The following NOS1AP variants were observed in gnomAD, a reference collection of about 807,000 sequenced individuals.
The protein encoded by NOS1AP is nitric oxide synthase 1 adaptor protein, also known as carboxyl-terminal PDZ ligand of neuronal nitric oxide synthase protein.
In NOS1AP, 21 loss-of-function variants were observed where a neutral mutation model predicts 56.2. That is an observed-to-expected ratio of 0.37 (90% CI 0.26 to 0.54). The LOEUF is 0.54. Ranked by LOEUF, NOS1AP falls within the 20% of genes least tolerant of loss-of-function variation. NOS1AP has a pLI of 0.84. For missense variants in NOS1AP, 522 were observed against 657.8 expected (o/e 0.79, Z 2.26); for synonymous variants, 270 against 274.6 (o/e 0.98, Z 0.17).
At chr1:162,364,096 T>A in intron 8 of NOS1AP, 1 of 985,422 alleles carries the variant, frequency 1.0e-6, no homozygotes. Flanking sequence ...AGCACTGCCC[T>A]TTACTCCCTA....
intron 2 of NOS1AP, among the ~76,000 whole-genome samples, chr1:162,244,841 G>A (rs1653608847): frequency 6.6e-6 from 1 of 152,138 alleles, no homozygotes; most frequent in Admixed American, 6.5e-5. Context: ...TTGAGCTAAC[G>A]ATTCAAAGTT....
At chr1:162,359,806 G>C (rs1363176270) in intron 8 of NOS1AP, among the ~76,000 whole-genome samples, 2 of 152,082 alleles carry the variant, frequency 1.3e-5, no homozygotes, top group African/African-American at 4.8e-5. Context: ...CAAGGCTTCT[G>C]TCTGTCTTTA....
intron 1 of NOS1AP, among the ~76,000 whole-genome samples, chr1:162,094,948 G>A (rs914925409): frequency 6.6e-6 from 1 of 152,198 alleles, no homozygotes. Context: ...GAGGGATGGG[G>A]TGTAACGGGT....
intron 1 of NOS1AP, among the ~76,000 whole-genome samples, chr1:162,133,882 C>T (rs10918724): frequency 0.24 from 35,761 of 152,032 alleles, 7,834 homozygotes; most frequent in African/African-American, 0.59. Context: ...TAGAAGTAAT[C>T]GGCATTCAAC....
intron 1 of NOS1AP, among the ~76,000 whole-genome samples, chr1:162,081,774 A>ATATATGTTTTTTTTTTTTTT: frequency 2.3e-5 from 1 of 44,060 alleles, no homozygotes; most frequent in Non-Finnish European, 4.6e-5. Flanking sequence ...ATATATATAT[A>ATATATGTTTTTTTTTTTTTT]TTTTTTTTTT....
At chr1:162,326,618 A>G (rs1464568596) in intron 4 of NOS1AP, among the ~76,000 whole-genome samples, 1 of 152,204 alleles carries the variant, frequency 6.6e-6, no homozygotes, top group Non-Finnish European at 1.5e-5. Flanking sequence ...ATGCTAATAT[A>G]TGGTTCCAGT....
In NOS1AP at chr1:162,285,525, C is replaced by T. The variant is rs115944339; in HGVS notation, c.178-1819C>T. Among the ~76,000 whole-genome samples the T allele has an allele frequency of 8.9e-3, 1,350 of 152,202 alleles. 19 individuals carry two copies. The highest frequency in any genetic ancestry group is 0.031 in the African/African-American group (1,275 of 41,530). On this transcript the variant is annotated intron_variant, in intron 2 of 9. Transcript: ENST00000361897. ...TGCCAATCAAACCAACTTTAACCTT[C>T]GCTGGTTTGTGGCTGCTGACCTAGA...
At chr1:162,096,420 C>T (rs1185741598) in intron 1 of NOS1AP, among the ~76,000 whole-genome samples, 2 of 152,090 alleles carry the variant, frequency 1.3e-5, no homozygotes, top group African/African-American at 2.4e-5. Flanking sequence ...ATTTTTAAAA[C>T]ATTACAAAAT....
chr1:162,279,356 A>T (rs1654843993), intron 2 of NOS1AP, among the ~76,000 whole-genome samples: 1 of 152,096 alleles, frequency 6.6e-6, no homozygotes, highest in African/African-American at 2.4e-5. Context: ...ACAGTCCGAG[A>T]TTGCTTGCAC....
At chr1:162,261,506 G>GGAGA (rs1553200070) in intron 2 of NOS1AP, among the ~76,000 whole-genome samples, 567 of 18,640 alleles carry the variant, frequency 0.03, 203 homozygotes, top group Non-Finnish European at 0.055. Flanking sequence ...GAGAGAGAGA[G>GGAGA]AGAGAGAGAG....
chr1:162,285,012 T>C (rs567664797), intron 2 of NOS1AP, among the ~76,000 whole-genome samples: 99 of 152,352 alleles, frequency 6.5e-4, no homozygotes, highest in Middle Eastern at 6.8e-3. Flanking sequence ...AGGTAGGTAC[T>C]TGATATTTCT....
At chr1:162,088,057 T>G (rs980801358) in intron 1 of NOS1AP, among the ~76,000 whole-genome samples, 2 of 152,096 alleles carry the variant, frequency 1.3e-5, no homozygotes, top group Non-Finnish European at 2.9e-5. Flanking sequence ...GCATCAGAAC[T>G]CTATAGGGTC....
At chr1:162,089,766 C>T (rs1692087304) in intron 1 of NOS1AP, among the ~76,000 whole-genome samples, 1 of 152,186 alleles carries the variant, frequency 6.6e-6, no homozygotes, top group Non-Finnish European at 1.5e-5. Flanking sequence ...GGAAGGCTGG[C>T]AGCCTCCAGC....
intron 4 of NOS1AP, among the ~76,000 whole-genome samples, chr1:162,300,934 G>A (rs1212931619): frequency 2.0e-5 from 3 of 152,116 alleles, no homozygotes; most frequent in African/African-American, 7.2e-5. Flanking sequence ...TCTGCTTGAT[G>A]TTTAATTTAA....
At chr1:162,105,234 G>A (rs1647449008) in intron 1 of NOS1AP, among the ~76,000 whole-genome samples, 1 of 152,234 alleles carries the variant, frequency 6.6e-6, no homozygotes, top group African/African-American at 2.4e-5. Flanking sequence ...GGTATCACCA[G>A]TGAAGGCTGT....
chr1:162,352,377 C>G (rs748387538), intron 6 of NOS1AP, among the ~76,000 whole-genome samples: 2 of 151,950 alleles, frequency 1.3e-5, no homozygotes, highest in Non-Finnish European at 2.9e-5. Context: ...CCTCTTCTAC[C>G]TACCCCTTAA....
chr1:162,079,490 A>T (rs1356490309), intron 1 of NOS1AP, among the ~76,000 whole-genome samples: 1 of 152,142 alleles, frequency 6.6e-6, no homozygotes, highest in Non-Finnish European at 1.5e-5. Context: ...GCATGAATTC[A>T]GGAGCCAAAC....
intron 1 of NOS1AP, among the ~76,000 whole-genome samples, chr1:162,071,210 G>A (rs537373080): frequency 1.3e-5 from 2 of 152,292 alleles, no homozygotes; most frequent in South Asian, 2.1e-4. Context: ...GGGACTTTCG[G>A]CACCTACAGT....
chr1:162,120,888 C>T (rs761760356), intron 1 of NOS1AP, among the ~76,000 whole-genome samples: 2 of 152,064 alleles, frequency 1.3e-5, no homozygotes, highest in Non-Finnish European at 2.9e-5. Flanking sequence ...GTGTAGATGC[C>T]TCTGCTCCCT....
Sources: allele counts gnomAD v4.1 joint callset (sites outside exome capture counted in the v4.1 genomes callset), GRCh38; gene constraint gnomAD v4.1.1; transcripts MANE v1.5; gene names NCBI Gene and HGNC (gene_info 2026-07-23, HGNC 2026-07-21).